PPP1R9A: variants seen among roughly 807,000 people sequenced by gnomAD.
PPP1R9A encodes protein phosphatase 1 regulatory subunit 9A.
Under a neutral mutation model 141.9 loss-of-function variants are expected in PPP1R9A, and 59 were observed. The ratio of observed to expected loss-of-function variants is 0.42; its 90% CI spans 0.34 to 0.52. The LOEUF is 0.52. Among genes scored for constraint, PPP1R9A ranks in the 20% least tolerant of loss-of-function variants. PPP1R9A has a pLI of 0.10. For missense variants in PPP1R9A, 1,444 were observed against 1,611.9 expected (o/e 0.90, Z 1.78); for synonymous variants, 500 against 569.7 (o/e 0.88, Z 1.74).
In PPP1R9A at chr7:95,244,614, G is replaced by T. The variant is rs567649968; in HGVS notation, c.2113-2859G>T. On this transcript the variant is annotated intron_variant, in intron 8 of 19. Transcript: ENST00000433360. The stretch of plus-strand genomic sequence containing the variant: ...ACCCTACGAGGAGTTAATAAAATCT[G>T]TCACTTGCCCATAGTGCAGTGTTCA... Among the ~76,000 whole-genome samples, 33 of 152,254 alleles carry T rather than the reference G, an allele frequency of 2.2e-4. 1 individual carries two copies. The highest frequency in any genetic ancestry group is 7.2e-4 in the African/African-American group (30 of 41,552).
intron 4 of PPP1R9A, among the ~76,000 whole-genome samples, chr7:95,137,881 G>GA (rs987248530): frequency 6.7e-6 from 1 of 150,024 alleles, no homozygotes; most frequent in Non-Finnish European, 1.5e-5. Context: ...CAATGTAATA[G>GA]AAAAAAAGTC....
rs571783276 is a variant in PPP1R9A, at chr7:95,273,131, C to T, written c.3125-768C>T. 6.4e-4 allele frequency among the ~76,000 whole-genome samples: 98 copies of T among 152,216 alleles called. 1 individual carries two copies. Among genetic ancestry groups the T allele is most frequent in the African/African-American group, 1.9e-3 (77 of 41,560 alleles). On this transcript the variant is annotated intron_variant, in intron 14 of 19. Transcript: ENST00000433360. ...TTCCTATTGGCTTTTGGTATCATTT[C>T]GAGGGTCCCCATTCCCCAGCAGCTG...
chr7:95,121,643 C>T (rs1214986731), intron 4 of PPP1R9A, among the ~76,000 whole-genome samples: 1 of 152,042 alleles, frequency 6.6e-6, no homozygotes, highest in East Asian at 1.9e-4. Context: ...TTATAATGAA[C>T]ATAAATTTAT....
At chr7:95,136,158 T>G (rs765514722) in intron 4 of PPP1R9A, among the ~76,000 whole-genome samples, 2 of 152,280 alleles carry the variant, frequency 1.3e-5, no homozygotes, top group Middle Eastern at 3.4e-3. Context: ...TCTATTTTAT[T>G]TTATGCATAA....
chr7:95,088,945 C>A (rs1816975362), intron 2 of PPP1R9A, among the ~76,000 whole-genome samples: 1 of 151,952 alleles, frequency 6.6e-6, no homozygotes, highest in Admixed American at 6.5e-5. Context: ...TGAACGTGAT[C>A]TTGGAGATCA....
chr7:95,247,026 C>T (rs1798213987), intron 8 of PPP1R9A, among the ~76,000 whole-genome samples: 1 of 152,178 alleles, frequency 6.6e-6, no homozygotes, highest in Non-Finnish European at 1.5e-5. Context: ...AATGTGCTTG[C>T]AACTCACAGG....
intron 2 of PPP1R9A, among the ~76,000 whole-genome samples, chr7:94,935,029 A>C (rs1563013808): frequency 6.6e-6 from 1 of 152,096 alleles, no homozygotes; most frequent in East Asian, 1.9e-4. Flanking sequence ...CCAGCTTATA[A>C]TTTTTTGATT....
intron 8 of PPP1R9A, among the ~76,000 whole-genome samples, chr7:95,233,856 A>T (rs1362738733): frequency 2.6e-5 from 4 of 152,216 alleles, no homozygotes; most frequent in African/African-American, 7.2e-5. Context: ...CATACCAGGG[A>T]TGCAGGAATG....
intron 2 of PPP1R9A, among the ~76,000 whole-genome samples, chr7:94,933,035 CAT>C (rs140388119): frequency 2.0e-5 from 3 of 151,354 alleles, no homozygotes; most frequent in Admixed American, 2.0e-4. Flanking sequence ...CACATCTCTG[CAT>C]ATATATATAC....
chr7:95,236,839 A>G (rs1796745654), intron 8 of PPP1R9A, among the ~76,000 whole-genome samples: 1 of 151,618 alleles, frequency 6.6e-6, no homozygotes, highest in South Asian at 2.1e-4. Context: ...TGCTTTAACT[A>G]CATGTCACAA....
intron 4 of PPP1R9A, among the ~76,000 whole-genome samples, chr7:95,146,255 G>C (rs1827590655): frequency 6.6e-6 from 1 of 152,196 alleles, no homozygotes; most frequent in Admixed American, 6.5e-5. Context: ...GACCGGTGAT[G>C]ATGAGCTTGT....
At chr7:94,936,497 G>A (rs553015483) in intron 2 of PPP1R9A, among the ~76,000 whole-genome samples, 2 of 152,012 alleles carry the variant, frequency 1.3e-5, no homozygotes, top group African/African-American at 4.8e-5. Context: ...TCTGTATTCC[G>A]TATTCTAAAG....
chr7:95,023,791 A>G (rs1305946335), intron 2 of PPP1R9A, among the ~76,000 whole-genome samples: 1 of 152,152 alleles, frequency 6.6e-6, no homozygotes, highest in Non-Finnish European at 1.5e-5. Flanking sequence ...TGACCCTGTG[A>G]TCTGCCCGCC....
At chr7:95,252,467 ATTTTTT>A (rs71127405) in intron 12 of PPP1R9A, among the ~76,000 whole-genome samples, 1 of 107,028 alleles carries the variant, frequency 9.3e-6, no homozygotes, top group Non-Finnish European at 1.9e-5. Flanking sequence ...TAAGGTTTAG[ATTTTTT>A]TTTTTTTTTT....
At chr7:95,236,240 A>T (rs962958088) in intron 8 of PPP1R9A, among the ~76,000 whole-genome samples, 1 of 152,304 alleles carries the variant, frequency 6.6e-6, no homozygotes, top group African/African-American at 2.4e-5. Context: ...TTACTTTTAT[A>T]AAAGAGACTT....
intron 7 of PPP1R9A, among the ~76,000 whole-genome samples, chr7:95,219,100 G>T (rs1420353427): frequency 1.3e-5 from 2 of 152,082 alleles, no homozygotes; most frequent in Non-Finnish European, 2.9e-5. Context: ...TTTGCAGTGG[G>T]TGGTACTGGT....
At chr7:95,064,947 T>G (rs1332958569) in intron 2 of PPP1R9A, among the ~76,000 whole-genome samples, 1 of 152,222 alleles carries the variant, frequency 6.6e-6, no homozygotes, top group African/African-American at 2.4e-5. Flanking sequence ...GGTACATAAT[T>G]AATTTGCTCT....
chr7:95,012,211 G>A (rs1203628692), intron 2 of PPP1R9A, among the ~76,000 whole-genome samples: 2 of 152,092 alleles, frequency 1.3e-5, no homozygotes, highest in African/African-American at 4.8e-5. Flanking sequence ...AAGCATAGCG[G>A]CCTCTGCTTC....
intron 5 of PPP1R9A, among the ~76,000 whole-genome samples, chr7:95,187,933 A>G (rs868199435): frequency 5.9e-5 from 9 of 152,204 alleles, no homozygotes; most frequent in Middle Eastern, 6.8e-3. Flanking sequence ...TTATTGGTCT[A>G]TCTTCGAGAA....
Sources: gnomAD v4.1 joint callset for allele counts (sites outside exome capture counted in the v4.1 genomes callset) on GRCh38, gnomAD v4.1.1 for gene constraint, MANE v1.5 for transcripts, NCBI Gene and HGNC (gene_info 2026-07-23, HGNC 2026-07-21) for gene names.